The following DLG2 variants were observed in gnomAD, a reference collection of about 807,000 sequenced individuals.
DLG2 encodes the protein disks large homolog 2.
A neutral mutation model predicts 132.5 loss-of-function variants in DLG2; 45 were observed. The observed-to-expected ratio is 0.34, with a 90% CI of 0.27 to 0.44. DLG2 has a LOEUF of 0.44. Ranked by LOEUF, DLG2 falls within the 20% of genes least tolerant of loss-of-function variation. DLG2 has a pLI of 1.00. For synonymous variants in DLG2, 424 were observed against 419.6 expected, an observed-to-expected ratio of 1.01 and a Z score of -0.13; for missense variants, 1,045 against 1,196.9, an observed-to-expected ratio of 0.87 and a Z score of 1.87.
intron 2 of DLG2, among the ~76,000 whole-genome samples, chr11:85,602,971 C>T (rs1248837773): frequency 6.6e-6 from 1 of 151,962 alleles, no homozygotes; most frequent in Admixed American, 6.6e-5. Flanking sequence ...CAAGCTTATC[C>T]CCTTGAAGGA....
rs73491951 is a variant in DLG2 at position 85,443,103 on chromosome 11, G to A, written c.40+155554C>T. On this transcript the variant is annotated intron_variant, in intron 3 of 27. Transcript: ENST00000376104. ...AAAAAAAGAATTGAAAAAATCCTCCGTAATAGTCAGTGTAATCTTTATAAA... is the reference window on the plus strand; with the variant it reads ...AAAAAAAGAATTGAAAAAATCCTCCATAATAGTCAGTGTAATCTTTATAAA... 9.4e-3 allele frequency among the ~76,000 whole-genome samples: 1,434 copies of A among 152,110 alleles called. 19 individuals are homozygous for A. Among genetic ancestry groups the A allele is most frequent in the African/African-American group, 0.032 (1,335 of 41,500 alleles).
intron 6 of DLG2, among the ~76,000 whole-genome samples, chr11:84,984,365 T>C (rs1215659318): frequency 1.3e-5 from 2 of 152,206 alleles, no homozygotes; most frequent in Non-Finnish European, 2.9e-5. Flanking sequence ...CCAAGAATTT[T>C]GTATCCAGTG....
At chr11:84,316,003 T>C (rs2098350544) in intron 7 of DLG2, among the ~76,000 whole-genome samples, 1 of 152,138 alleles carries the variant, frequency 6.6e-6, no homozygotes, top group African/African-American at 2.4e-5. Context: ...ACTACAGGTG[T>C]ATTTTATTTA....
chr11:84,845,827 A>G (rs1216543402), intron 6 of DLG2, among the ~76,000 whole-genome samples: 2 of 151,540 alleles, frequency 1.3e-5, no homozygotes, highest in African/African-American at 2.4e-5. Flanking sequence ...CTAGAGATGC[A>G]CACCAACACA....
chr11:84,022,710 A>C (rs1219114308), intron 11 of DLG2, among the ~76,000 whole-genome samples: 1 of 152,212 alleles, frequency 6.6e-6, no homozygotes, highest in East Asian at 1.9e-4. Context: ...AAGTAGAAAA[A>C]TGGAGGAAGA....
intron 7 of DLG2, among the ~76,000 whole-genome samples, chr11:84,258,948 C>A (rs1212538234): frequency 6.6e-6 from 1 of 152,128 alleles, no homozygotes; most frequent in Admixed American, 6.5e-5. Context: ...TTCCAGTTAA[C>A]CTATTTCTCA....
At chr11:83,799,802 G>T (rs556316797) in intron 17 of DLG2, among the ~76,000 whole-genome samples, 5 of 152,158 alleles carry the variant, frequency 3.3e-5, no homozygotes, top group Admixed American at 6.5e-5. Context: ...CTACAGTTTT[G>T]CAGACAGTTA....
chr11:85,339,746 G>A (rs546974060), intron 3 of DLG2, among the ~76,000 whole-genome samples: 12 of 151,808 alleles, frequency 7.9e-5, no homozygotes, highest in African/African-American at 2.2e-4. Flanking sequence ...TTAGCCCTTT[G>A]TGGGCTAATA....
chr11:84,938,164 C>T (rs2048974380), intron 6 of DLG2, among the ~76,000 whole-genome samples: 1 of 152,100 alleles, frequency 6.6e-6, no homozygotes, highest in Non-Finnish European at 1.5e-5. Flanking sequence ...GTTATGGAAC[C>T]AAAGCTCATC....
intron 8 of DLG2, among the ~76,000 whole-genome samples, chr11:84,186,003 C>A (rs1270180802): frequency 6.6e-6 from 1 of 152,076 alleles, no homozygotes; most frequent in Non-Finnish European, 1.5e-5. Flanking sequence ...TTGCCTGTGG[C>A]CATGATTGTT....
chr11:85,136,889 A>G (rs2076173545), intron 5 of DLG2, among the ~76,000 whole-genome samples: 1 of 152,192 alleles, frequency 6.6e-6, no homozygotes, highest in South Asian at 2.1e-4. Context: ...GAATGAAAGA[A>G]TAATCACAGC....
intron 17 of DLG2, among the ~76,000 whole-genome samples, chr11:83,798,416 C>T (rs1361542131): frequency 6.6e-6 from 1 of 152,130 alleles, no homozygotes; most frequent in Non-Finnish European, 1.5e-5. Flanking sequence ...TATAGCATAT[C>T]CATTATCTAT....
In DLG2 at chr11:85,520,485, G is replaced by GA. The variant is rs964441909; in HGVS notation, c.40+78171dup. ...ACCAATGGTATTCTTCACAGAAACA[G>GA]AAAAAAATAGTCCTAAAATGTATAT... On this transcript the variant is annotated intron_variant, in intron 3 of 27. Transcript: ENST00000376104. 4.9e-4 allele frequency among the ~76,000 whole-genome samples: 73 copies of GA among 147,898 alleles called. 1 individual carries two copies. The highest frequency in any genetic ancestry group is 1.4e-3 in the African/African-American group (58 of 40,010).
At chr11:84,458,291 A>C (rs1333107170) in intron 7 of DLG2, among the ~76,000 whole-genome samples, 1 of 150,878 alleles carries the variant, frequency 6.6e-6, no homozygotes, top group African/African-American at 2.4e-5. Context: ...AATAAGAATT[A>C]ATGACTAAAA....
At chr11:84,317,234 G>T in intron 7 of DLG2, 1 of 1,515,764 alleles carries the variant, frequency 6.6e-7, no homozygotes, top group Non-Finnish European at 8.8e-7. Context: ...AGTTGTAAAA[G>T]TCTTTTTTCC....
At chr11:83,985,153 T>A (rs898246074) in intron 11 of DLG2, among the ~76,000 whole-genome samples, 1 of 152,038 alleles carries the variant, frequency 6.6e-6, no homozygotes, top group African/African-American at 2.4e-5. Context: ...TTTTCTTGCA[T>A]AGACTCTGTT....
In DLG2 at chr11:85,621,443, T is replaced by C. The variant is rs116059009; in HGVS notation, c.-93+5144A>G. ...TATATCTGCCACAGTGATTCCCTGA[T>C]AGATCTGGCCAAAGTAAATTGAAAA... On this transcript the variant is annotated intron_variant, in intron 2 of 27. Transcript: ENST00000376104. Among the ~76,000 whole-genome samples, 339 of 152,330 alleles carry C rather than the reference T, an allele frequency of 2.2e-3. 1 individual carries two copies. The highest frequency in any genetic ancestry group is 7.8e-3 in the African/African-American group (326 of 41,568).
intron 3 of DLG2, among the ~76,000 whole-genome samples, chr11:85,299,668 T>A (rs2079461665): frequency 6.6e-6 from 1 of 152,172 alleles, no homozygotes; most frequent in Non-Finnish European, 1.5e-5. Context: ...GCTGTCAAAT[T>A]TTATTGTGCA....
chr11:83,716,750 T>C (rs2086800829), intron 18 of DLG2, among the ~76,000 whole-genome samples: 1 of 152,222 alleles, frequency 6.6e-6, no homozygotes, highest in Non-Finnish European at 1.5e-5. Context: ...TTTTGGCCCA[T>C]CATACAGACT....
Sources: gnomAD v4.1 joint callset for allele counts (sites outside exome capture counted in the v4.1 genomes callset) on GRCh38, gnomAD v4.1.1 for gene constraint, MANE v1.5 for transcripts, NCBI Gene and HGNC (gene_info 2026-07-23, HGNC 2026-07-21) for gene names.